Variants in GOT2 observed in about 807,000 individuals in gnomAD.
GOT2 encodes aspartate aminotransferase, mitochondrial.
A neutral mutation model predicts 50.0 loss-of-function variants in GOT2; 17 were observed. That is an observed-to-expected ratio of 0.34 (90% CI 0.23 to 0.51). GOT2 has a LOEUF of 0.51. Ranked by LOEUF, GOT2 falls within the 20% of genes least tolerant of loss-of-function variation. GOT2 has a pLI of 0.97. For missense variants in GOT2, 430 were observed against 559.6 expected (o/e 0.77, Z 2.34); for synonymous variants, 172 against 204.9 (o/e 0.84, Z 1.37).
chr16:58,729,305 C>G (rs1023851339), intron 1 of GOT2, among the ~76,000 whole-genome samples: 1 of 146,894 alleles, frequency 6.8e-6, no homozygotes, highest in Non-Finnish European at 1.5e-5. Flanking sequence ...AAAGGAATAC[C>G]CTGAATGTCA....
chr16:58,713,552 T>C (rs1407368847), intron 8 of GOT2, among the ~76,000 whole-genome samples: 1 of 152,140 alleles, frequency 6.6e-6, no homozygotes, highest in African/African-American at 2.4e-5. Context: ...CTCTTAGTAT[T>C]TACTTTAATC....
At chr16:58,710,794 C>T (rs1371115348) in intron 8 of GOT2, among the ~76,000 whole-genome samples, 18 of 59,728 alleles carry the variant, frequency 3.0e-4, no homozygotes, top group Non-Finnish European at 1.4e-4. Flanking sequence ...GGTGAAACCC[C>T]GTCTCTAATA....
At chr16:58,733,851 C>T (rs998794608) in intron 1 of GOT2, 11 of 360,022 alleles carry the variant, frequency 3.1e-5, no homozygotes, top group African/African-American at 1.9e-4. Flanking sequence ...AGTCCGGCAA[C>T]CGCCGAGGGC....
At chr16:58,733,759 C>A (rs1050957286) in intron 1 of GOT2, among the ~76,000 whole-genome samples, 1 of 152,162 alleles carries the variant, frequency 6.6e-6, no homozygotes, top group African/African-American at 2.4e-5. Context: ...GCGCCCGCCG[C>A]CCCCAGGGCA....
chr16:58,721,430 A>C (rs914213580), intron 3 of GOT2, among the ~76,000 whole-genome samples: 1 of 152,086 alleles, frequency 6.6e-6, no homozygotes, highest in Non-Finnish European at 1.5e-5. Context: ...CCCACAGTCC[A>C]CCCATGGCTT....
intron 8 of GOT2, among the ~76,000 whole-genome samples, chr16:58,710,279 G>A (rs898990391): frequency 3.3e-5 from 5 of 151,942 alleles, no homozygotes; most frequent in African/African-American, 1.2e-4. Context: ...TAGTACAATG[G>A]TATGATCATG....
chr16:58,712,140 A>G (rs760720141), intron 8 of GOT2, among the ~76,000 whole-genome samples: 2 of 151,628 alleles, frequency 1.3e-5, no homozygotes, highest in Non-Finnish European at 2.9e-5. Flanking sequence ...CGCAGTCCTC[A>G]TTACATCTTC....
chr16:58,716,543 G>T, intron 7 of GOT2, 120 bp downstream of exon 7: 1 of 780,996 alleles, frequency 1.3e-6, no homozygotes, highest in East Asian at 2.6e-5. Context: ...GGTAGGGAGG[G>T]ACATGGACAT....
intron 1 of GOT2, among the ~76,000 whole-genome samples, chr16:58,730,239 T>C (rs935335970): frequency 1.3e-5 from 2 of 152,118 alleles, no homozygotes. Context: ...CGGGTACATG[T>C]GCATGTCCTG....
Position 58,718,542 on chromosome 16 carries a change from A to G in GOT2, c.582T>C (p.Ala194=). ...PKTCGFDFTG[A]VEDISKIPEQ... ...CCACACTTACTGAAATATCCTCCAC[A>G]GCGCCTGTGAAGTCAAAACCGCAAG... is the stretch of plus-strand genomic sequence containing the variant. Residue 194 remains alanine, a synonymous_variant, in exon 5 of 10, where the codon GCT becomes GCC. Transcript: ENST00000245206. 2 of 1,584,016 alleles carry G rather than the reference A, an allele frequency of 1.3e-6. No individual in the cohort carries two copies. The highest frequency in any genetic ancestry group is 1.7e-6 in the Non-Finnish European group (2 of 1,166,866).
chr16:58,708,678 A>G (rs2044622277), intron 9 of GOT2, among the ~76,000 whole-genome samples: 1 of 152,094 alleles, frequency 6.6e-6, no homozygotes, highest in Non-Finnish European at 1.5e-5. Flanking sequence ...ATGCATAAAC[A>G]GATGGGGAAA....
In GOT2 at chr16:58,727,295, C is replaced by T. The variant is rs560968525; in HGVS notation, c.90-3393G>A. On this transcript the variant is annotated intron_variant, in intron 1 of 9. Transcript: ENST00000245206. The stretch of plus-strand genomic sequence containing the variant: ...AGGCGCACACAAGTTAACATTTTAA[C>T]AAAGTTTGCCCAATCTTGATGGCCT... Among the ~76,000 whole-genome samples the T allele has an allele frequency of 2.0e-5, 3 of 152,038 alleles. No homozygotes were observed. In the South Asian group the frequency reaches 6.2e-4, roughly 32 times the overall value.
intron 1 of GOT2, among the ~76,000 whole-genome samples, chr16:58,733,528 C>T (rs1421004598): frequency 1.3e-5 from 2 of 152,192 alleles, no homozygotes; most frequent in African/African-American, 4.8e-5. Flanking sequence ...CGACCCTTTC[C>T]CAAGCAAAGG....
In GOT2 at chr16:58,733,257, T is replaced by C. The variant is rs187346687; in HGVS notation, c.89+883A>G. ...TCTGAAATTTCCCTCCATACTATTA[T>C]ACACGCCACAGTACGAAATTACGTT... On this transcript the variant is annotated intron_variant, in intron 1 of 9. Transcript: ENST00000245206. Among the ~76,000 whole-genome samples, 8 of 152,260 alleles carry C rather than the reference T, an allele frequency of 5.3e-5. No homozygotes were observed. In the East Asian group the frequency reaches 1.5e-3, roughly 29 times the overall value.
chr16:58,716,409 G>A (rs759002161), intron 7 of GOT2: 6 of 597,756 alleles, frequency 1.0e-5, no homozygotes, highest in Non-Finnish European at 1.7e-5. Context: ...CTTGGCTCAC[G>A]GATTTGTTAC....
intron 6 of GOT2, 84 bp from the exon 7 acceptor site, chr16:58,716,897 T>A: frequency 7.7e-7 from 1 of 1,298,452 alleles, no homozygotes; most frequent in Non-Finnish European, 1.1e-6. Flanking sequence ...GATGTTTATG[T>A]GAGGTGGGCA....
intron 3 of GOT2, 85 bp from the exon 4 acceptor site, chr16:58,719,340 T>G: frequency 1.2e-6 from 1 of 854,678 alleles, no homozygotes; most frequent in South Asian, 1.4e-5. Flanking sequence ...TCCAGGACCT[T>G]TCATACTTCA....
intron 1 of GOT2, among the ~76,000 whole-genome samples, chr16:58,729,995 G>A (rs1479800717): frequency 1.3e-5 from 2 of 152,128 alleles, no homozygotes; most frequent in Non-Finnish European, 2.9e-5. Context: ...ATGAAGTACA[G>A]ATTAAAGAAC....
In GOT2 at chr16:58,709,541, T is replaced by C. The variant is rs1300988432; in HGVS notation, c.1046A>G (p.Asp349Gly). 7 of 1,612,136 alleles carry C rather than the reference T, an allele frequency of 4.3e-6. No individual in the cohort carries two copies. In the African/African-American group the frequency reaches 6.7e-5, roughly 15 times the overall value. Residue 349 changes from aspartate to glycine, a missense_variant, in exon 9 of 10, where the codon GAC becomes GGC. By Grantham distance (94) the Asp-to-Gly change is moderately conservative (BLOSUM62 -1). Transcript: ENST00000245206. ...TTGAGTCCGCATGCCAATGATGCGG[T>C]CAGCCATGACTTTCACTTCTTGCAG... ...QWLQEVKVMA[D>G]RIIGMRTQLV...
Sources: gnomAD v4.1 joint callset for allele counts (sites outside exome capture counted in the v4.1 genomes callset) on GRCh38, gnomAD v4.1.1 for gene constraint, MANE v1.5 for transcripts, NCBI Gene and HGNC (gene_info 2026-07-23, HGNC 2026-07-21) for gene names.